Variants in CCSER1 observed in about 807,000 individuals in gnomAD.
CCSER1 encodes the protein serine-rich coiled-coil domain-containing protein 1.
In CCSER1, 41 loss-of-function variants were observed where a neutral mutation model predicts 82.0. That is an observed-to-expected ratio of 0.50 (90% CI 0.39 to 0.65). CCSER1 has a LOEUF of 0.65. CCSER1 is among the 30% of genes least tolerant of loss of function. The probability of loss-of-function intolerance (pLI) is 0.00; values close to 1 mark genes in which losing one functional copy is unlikely to be tolerated. For missense variants in CCSER1, 1,119 were observed against 1,064.2 expected (o/e 1.05, Z -0.72); for synonymous variants, 414 against 383.9 (o/e 1.08, Z -0.92).
At chr4:90,210,503 G>A (rs1169604207) in intron 1 of CCSER1, among the ~76,000 whole-genome samples, 1 of 151,246 alleles carries the variant, frequency 6.6e-6, no homozygotes, top group Non-Finnish European at 1.5e-5. Context: ...AAGTGAAGTG[G>A]TGAAATCACA....
chr4:90,916,436 G>A (rs933858664), intron 8 of CCSER1, among the ~76,000 whole-genome samples: 1 of 152,066 alleles, frequency 6.6e-6, no homozygotes, highest in African/African-American at 2.4e-5. Flanking sequence ...TTTAACAAAT[G>A]GTGCTGGGAA....
At chr4:90,844,325 A>G (rs1376997393) in intron 8 of CCSER1, among the ~76,000 whole-genome samples, 1 of 152,172 alleles carries the variant, frequency 6.6e-6, no homozygotes, top group Admixed American at 6.5e-5. Context: ...AAAAAATAAT[A>G]TCTAAGCCTA....
intron 6 of CCSER1, among the ~76,000 whole-genome samples, chr4:90,683,615 T>C (rs1032807253): frequency 4.6e-5 from 7 of 152,134 alleles, no homozygotes; most frequent in African/African-American, 1.4e-4. Flanking sequence ...CTAATTAAAT[T>C]GATTTGGACC....
intron 10 of CCSER1, among the ~76,000 whole-genome samples, chr4:91,322,823 A>T (rs1306533313): frequency 6.6e-6 from 1 of 152,166 alleles, no homozygotes; most frequent in African/African-American, 2.4e-5. Context: ...AGGTAGTGTG[A>T]TCAAATTGCA....
chr4:90,277,927 C>T (rs1446503331), intron 1 of CCSER1, among the ~76,000 whole-genome samples: 1 of 152,068 alleles, frequency 6.6e-6, no homozygotes, highest in Non-Finnish European at 1.5e-5. Context: ...TATTTGCAAA[C>T]TCTGCATTTG....
At chr4:90,470,777 A>AAC (rs1553919974) in intron 5 of CCSER1, among the ~76,000 whole-genome samples, 2 of 150,768 alleles carry the variant, frequency 1.3e-5, no homozygotes, top group African/African-American at 4.9e-5. Context: ...AAAAAAAAAA[A>AAC]AAAACAAAAC....
intron 10 of CCSER1, among the ~76,000 whole-genome samples, chr4:91,329,910 T>C (rs78003578): frequency 0.014 from 2,120 of 152,294 alleles, 45 homozygotes; most frequent in African/African-American, 0.046. Context: ...TCCCAGATAT[T>C]TGCTACTTTT....
At chr4:90,904,871 T>G (rs1725225117) in intron 8 of CCSER1, among the ~76,000 whole-genome samples, 1 of 152,052 alleles carries the variant, frequency 6.6e-6, no homozygotes, top group African/African-American at 2.4e-5. Flanking sequence ...GTATCTCCCA[T>G]TCACCCTTAT....
intron 10 of CCSER1, among the ~76,000 whole-genome samples, chr4:91,105,200 C>A (rs1725481055): frequency 6.6e-6 from 1 of 152,100 alleles, no homozygotes; most frequent in Non-Finnish European, 1.5e-5. Context: ...CCAAATATAA[C>A]CACATTAGGA....
rs77957601 is a variant in CCSER1 at position 91,159,305 on chromosome 4, A to G, written c.2217+73311A>G. ...TATATTAAATCAATGCCATGCTGAA[A>G]ACTTTTGACCCCAGTAGATTGGAAA... On this transcript the variant is annotated intron_variant, in intron 10 of 10. Coordinates refer to ENST00000509176, the MANE Select transcript of CCSER1 (RefSeq NM_001145065.2). Among the ~76,000 whole-genome samples the G allele has an allele frequency of 9.3e-3, 1,421 of 152,014 alleles. 12 individuals are homozygous for G. Among genetic ancestry groups the G allele is most frequent in the African/African-American group, 0.022 (930 of 41,496 alleles).
chr4:90,922,029 A>G (rs1393404872), intron 8 of CCSER1, among the ~76,000 whole-genome samples: 2 of 151,974 alleles, frequency 1.3e-5, no homozygotes, highest in Non-Finnish European at 2.9e-5. Context: ...ATAATTAAAA[A>G]CTTCTACCTC....
At chr4:91,437,425 A>T (rs2149400419) in intron 10 of CCSER1, among the ~76,000 whole-genome samples, 1 of 152,352 alleles carries the variant, frequency 6.6e-6, no homozygotes, top group South Asian at 2.1e-4. Context: ...TAGATCAAAC[A>T]GCTCTAATAA....
intron 1 of CCSER1, among the ~76,000 whole-genome samples, chr4:90,141,011 C>T (rs1724666762): frequency 1.1e-5 from 1 of 93,146 alleles, no homozygotes; most frequent in Non-Finnish European, 2.2e-5. Flanking sequence ...TCCAGAGAAA[C>T]CCAGCAAGAT....
intron 1 of CCSER1, among the ~76,000 whole-genome samples, chr4:90,236,029 C>A (rs1332884629): frequency 6.6e-6 from 1 of 152,102 alleles, no homozygotes; most frequent in East Asian, 1.9e-4. Flanking sequence ...GCAGCCTTGA[C>A]CTCCCAGGCT....
chr4:91,135,636 A>T (rs1369980485), intron 10 of CCSER1, among the ~76,000 whole-genome samples: 1 of 152,130 alleles, frequency 6.6e-6, no homozygotes, highest in Non-Finnish European at 1.5e-5. Flanking sequence ...GAAATATTAG[A>T]TGCACAGACA....
At chr4:90,647,118 G>T (rs1727739256) in intron 6 of CCSER1, among the ~76,000 whole-genome samples, 1 of 152,068 alleles carries the variant, frequency 6.6e-6, no homozygotes, top group South Asian at 2.1e-4. Context: ...GTTTAATTGA[G>T]AATTCTCCTT....
At chr4:90,614,702 G>T (rs1720873433) in intron 5 of CCSER1, among the ~76,000 whole-genome samples, 1 of 152,144 alleles carries the variant, frequency 6.6e-6, no homozygotes, top group East Asian at 1.9e-4. Context: ...CTGGAAACTA[G>T]CAGGGGTTGG....
intron 1 of CCSER1, among the ~76,000 whole-genome samples, chr4:90,293,619 T>G (rs1731327814): frequency 6.6e-6 from 1 of 150,786 alleles, no homozygotes; most frequent in South Asian, 2.1e-4. Context: ...ATAAAAAATT[T>G]AAGAAGATTT....
chr4:91,122,896 A>G (rs983768188), intron 10 of CCSER1, among the ~76,000 whole-genome samples: 3 of 151,754 alleles, frequency 2.0e-5, no homozygotes, highest in Admixed American at 6.6e-5. Flanking sequence ...GTTAATTAAC[A>G]TCTTACAATG....
Sources: gnomAD v4.1 joint callset for allele counts (sites outside exome capture counted in the v4.1 genomes callset) on GRCh38, gnomAD v4.1.1 for gene constraint, MANE v1.5 for transcripts, NCBI Gene and HGNC (gene_info 2026-07-23, HGNC 2026-07-21) for gene names.